Variants in FOXK2 observed in about 807,000 individuals in gnomAD.
FOXK2 encodes forkhead box K2, also known as forkhead box protein K2.
Under a neutral mutation model 53.3 loss-of-function variants are expected in FOXK2, and 24 were observed. The ratio of observed to expected loss-of-function variants is 0.45; its 90% CI spans 0.33 to 0.63. The LOEUF (loss-of-function observed/expected upper bound fraction) is 0.63, where lower values mean the gene tolerates loss of function less well. FOXK2 is among the 30% of genes least tolerant of loss of function. The probability of loss-of-function intolerance (pLI) is 0.03; values close to 1 mark genes in which losing one functional copy is unlikely to be tolerated. For synonymous variants in FOXK2, 505 were observed against 407.1 expected, an observed-to-expected ratio of 1.24 and a Z score of -2.89; for missense variants, 952 against 910.5, an observed-to-expected ratio of 1.05 and a Z score of -0.59.
Position 82,584,123 on chromosome 17 carries a change from A to C in FOXK2, c.1214A>C (p.Glu405Ala). The C allele has an allele frequency of 6.2e-7, 1 of 1,611,120 alleles. No individual in the cohort carries two copies. Among genetic ancestry groups the C allele is most frequent in the Non-Finnish European group, 8.5e-7 (1 of 1,179,832 alleles). Residue 405 changes from glutamate (E) to alanine (A), a missense_variant, in exon 6 of 9, where the codon GAG (glutamate) becomes GCG (alanine). Glu to Ala is a moderately radical substitution (Grantham distance 107). Coordinates refer to ENST00000335255, the MANE Select transcript of FOXK2 (RefSeq NM_004514.4). ...REGSPAPLEP[E>A]PGAAQPKLAV... is the part of the protein sequence containing the mutation. ...GGTTCGCCGGCCCCCCTGGAGCCTGAGCCTGGCGCTGCACAGCCCAAACTC... is the reference window on the plus strand; with the variant it reads ...GGTTCGCCGGCCCCCCTGGAGCCTGCGCCTGGCGCTGCACAGCCCAAACTC...
chr17:82,593,905 A>C (rs1055819257), intron 8 of FOXK2: 1 of 152,326 alleles, frequency 6.6e-6, no homozygotes, highest in Non-Finnish European at 1.5e-5. Context: ...AGCTGCCGCC[A>C]CTGGATTGAC....
At chr17:82,595,334 G>T (rs991018357) in intron 8 of FOXK2, among the ~76,000 whole-genome samples, 3 of 152,124 alleles carry the variant, frequency 2.0e-5, no homozygotes, top group Non-Finnish European at 4.4e-5. Flanking sequence ...TTGAGAAAGG[G>T]TCTGTCACTC....
At chr17:82,554,720 C>A (rs2044706810) in intron 1 of FOXK2, among the ~76,000 whole-genome samples, 1 of 150,406 alleles carries the variant, frequency 6.6e-6, no homozygotes, top group African/African-American at 2.4e-5. Flanking sequence ...CATTACAAAT[C>A]TTGCAGAATC....
chr17:82,533,228 G>T (rs1170655082), intron 1 of FOXK2, among the ~76,000 whole-genome samples: 1 of 151,544 alleles, frequency 6.6e-6, no homozygotes, highest in Non-Finnish European at 1.5e-5. Flanking sequence ...GGTGGCTCAC[G>T]CCTGTAATCC....
At chr17:82,532,595 G>GT (rs1271305954) in intron 1 of FOXK2, among the ~76,000 whole-genome samples, 1 of 152,032 alleles carries the variant, frequency 6.6e-6, no homozygotes, top group Non-Finnish European at 1.5e-5. Context: ...TATTTTTGTT[G>GT]TTTTTTTCTG....
At chr17:82,564,984 C>A (rs567968559) in intron 2 of FOXK2, among the ~76,000 whole-genome samples, 6 of 152,138 alleles carry the variant, frequency 3.9e-5, no homozygotes, top group Admixed American at 3.9e-4. Context: ...CCTGCCTCGG[C>A]CTCCCAAAGT....
intron 1 of FOXK2, among the ~76,000 whole-genome samples, chr17:82,552,902 G>A (rs1182391662): frequency 1.3e-5 from 2 of 152,146 alleles, no homozygotes; most frequent in Non-Finnish European, 2.9e-5. Flanking sequence ...ACCCCGTTAC[G>A]TAAAATCACA....
At chr17:82,537,421 G>A (rs531983948) in intron 1 of FOXK2, among the ~76,000 whole-genome samples, 163 of 151,978 alleles carry the variant, frequency 1.1e-3, no homozygotes, top group African/African-American at 3.4e-3. Context: ...GCTGAGGTGG[G>A]CGGATCATGA....
At chr17:82,572,024 T>C in intron 4 of FOXK2, 154 bp downstream of exon 4, 1 of 598,802 alleles carries the variant, frequency 1.7e-6, no homozygotes, top group Non-Finnish European at 2.7e-6. Flanking sequence ...GGGCCGGTGC[T>C]GCCATGCTCT....
chr17:82,567,736 C>T (rs1016317283), intron 2 of FOXK2, among the ~76,000 whole-genome samples: 1 of 152,000 alleles, frequency 6.6e-6, no homozygotes, highest in Non-Finnish European at 1.5e-5. Context: ...TGGAACCATT[C>T]GGAGCCTCAG....
At chr17:82,600,813 G>GTGGA (rs2045374398) in intron 8 of FOXK2, 1 of 156,976 alleles carries the variant, frequency 6.4e-6, no homozygotes, top group African/African-American at 2.5e-5. Context: ...TCCCTTCTGT[G>GTGGA]TGGAAATGGT....
chr17:82,528,080 G>A (rs1359091178), intron 1 of FOXK2, among the ~76,000 whole-genome samples: 1 of 152,084 alleles, frequency 6.6e-6, no homozygotes, highest in African/African-American at 2.4e-5. Context: ...TTACAGGTGC[G>A]AGCCACCCTG....
intron 1 of FOXK2, among the ~76,000 whole-genome samples, chr17:82,560,645 C>T (rs1050223715): frequency 6.6e-6 from 1 of 152,164 alleles, no homozygotes; most frequent in African/African-American, 2.4e-5. Flanking sequence ...TAATAATTTG[C>T]AAGGATGTAA....
intron 6 of FOXK2, among the ~76,000 whole-genome samples, chr17:82,584,411 T>C (rs2045106691): frequency 6.6e-6 from 1 of 151,916 alleles, no homozygotes; most frequent in Non-Finnish European, 1.5e-5. Flanking sequence ...CTGAAATAAC[T>C]TAGAATTAAC....
At chr17:82,595,270 G>A (rs1022234145) in intron 8 of FOXK2, among the ~76,000 whole-genome samples, 7 of 152,156 alleles carry the variant, frequency 4.6e-5, no homozygotes, top group Admixed American at 4.6e-4. Flanking sequence ...GGTGTCACAA[G>A]GTAAGTGGCC....
At chr17:82,574,396 C>T (rs969604630) in intron 4 of FOXK2, among the ~76,000 whole-genome samples, 1 of 151,492 alleles carries the variant, frequency 6.6e-6, no homozygotes, top group Non-Finnish European at 1.5e-5. Flanking sequence ...TCTCGGCTCA[C>T]TGCAACCTCC....
intron 4 of FOXK2, among the ~76,000 whole-genome samples, chr17:82,580,131 C>T (rs2045041512): frequency 1.5e-5 from 2 of 133,356 alleles, no homozygotes; most frequent in Admixed American, 7.4e-5. Flanking sequence ...GCCCAGATCC[C>T]TCCCACACAT....
chr17:82,585,459 G>A (rs956478000), intron 6 of FOXK2, among the ~76,000 whole-genome samples: 2 of 152,038 alleles, frequency 1.3e-5, no homozygotes, highest in African/African-American at 4.8e-5. Context: ...TAAATAGCTG[G>A]GGCTGTAGGC....
At chr17:82,569,320 G>A (rs942630655) in intron 3 of FOXK2, among the ~76,000 whole-genome samples, 3 of 152,348 alleles carry the variant, frequency 2.0e-5, no homozygotes, top group East Asian at 3.9e-4. Flanking sequence ...AGGAGGGCGC[G>A]TCGCGTGTGG....
Sources: gnomAD v4.1 joint callset for allele counts (sites outside exome capture counted in the v4.1 genomes callset) on GRCh38, gnomAD v4.1.1 for gene constraint, MANE v1.5 for transcripts, NCBI Gene and HGNC (gene_info 2026-07-23, HGNC 2026-07-21) for gene names.